FAM107B: variants seen among roughly 807,000 people sequenced by gnomAD.
The protein encoded by FAM107B is protein FAM107B.
A neutral mutation model predicts 31.5 loss-of-function variants in FAM107B; 21 were observed. The ratio of observed to expected loss-of-function variants is 0.67; its 90% CI spans 0.47 to 0.96. The LOEUF (loss-of-function observed/expected upper bound fraction) is 0.96, where lower values mean the gene tolerates loss of function less well. Ranked by LOEUF, FAM107B falls within the 40% of genes least tolerant of loss-of-function variation. The pLI is 0.00. For synonymous variants in FAM107B, 157 were observed against 141.5 expected, an observed-to-expected ratio of 1.11 and a Z score of -0.78; for missense variants, 452 against 377.1, an observed-to-expected ratio of 1.20 and a Z score of -1.64.
At chr10:14,528,886 G>A (rs1846625710) in intron 3 of FAM107B, among the ~76,000 whole-genome samples, 1 of 152,156 alleles carries the variant, frequency 6.6e-6, no homozygotes, top group African/African-American at 2.4e-5. Flanking sequence ...TGCAAATGTT[G>A]GTTTTACTCT....
chr10:14,698,409 A>G (rs746991172), intron 1 of FAM107B, among the ~76,000 whole-genome samples: 6 of 152,222 alleles, frequency 3.9e-5, no homozygotes, highest in African/African-American at 7.2e-5. Flanking sequence ...GATTCTCTGA[A>G]TATCTGTGTC....
At chr10:14,684,413 C>T (rs1414966796) in intron 1 of FAM107B, among the ~76,000 whole-genome samples, 3 of 152,144 alleles carry the variant, frequency 2.0e-5, no homozygotes, top group South Asian at 2.1e-4. Context: ...GATCATGCCA[C>T]AGCACTCCAG....
At chr10:14,646,457 C>T (rs1196168171) in intron 2 of FAM107B, among the ~76,000 whole-genome samples, 1 of 152,192 alleles carries the variant, frequency 6.6e-6, no homozygotes, top group African/African-American at 2.4e-5. Flanking sequence ...AGTTACTTCA[C>T]TTAGGATAAT....
chr10:14,572,113 C>CTGTTT (rs1851275319), intron 2 of FAM107B: 1 of 985,286 alleles, frequency 1.0e-6, no homozygotes, highest in Admixed American at 6.1e-5. Context: ...CAAAGAGAAA[C>CTGTTT]ACTCTAGCAA....
Position 14,763,360 on chromosome 10 carries a change from G to T in FAM107B, c.411+10893C>A, listed in dbSNP as rs533876806. Among the ~76,000 whole-genome samples the T allele has an allele frequency of 2.6e-5, 4 of 152,356 alleles. No homozygotes were observed. In the East Asian group the frequency reaches 7.7e-4, roughly 29 times the overall value. On this transcript the variant is annotated intron_variant, in intron 1 of 4. Transcript: ENST00000181796. ...CTTTTGTGCCTGCTTGCCAGCAGAT[G>T]TTTGTACTTGTGGCAGAATTCACGT...
At chr10:14,657,879 C>T (rs1241376484) in intron 2 of FAM107B, among the ~76,000 whole-genome samples, 1 of 151,940 alleles carries the variant, frequency 6.6e-6, no homozygotes, top group Non-Finnish European at 1.5e-5. Flanking sequence ...GGCGCGATCC[C>T]AGCTCACTGC....
intron 2 of FAM107B, among the ~76,000 whole-genome samples, chr10:14,594,314 G>A (rs891552196): frequency 3.9e-5 from 6 of 151,922 alleles, no homozygotes; most frequent in Non-Finnish European, 8.8e-5. Context: ...AAGACCAACC[G>A]GGCAACAGAA....
rs149938777 is a variant in FAM107B at position 14,550,634 on chromosome 10, G to A, written c.470-20119C>T. Among the ~76,000 whole-genome samples, 414 of 152,244 alleles carry A rather than the reference G, an allele frequency of 2.7e-3. 4 individuals are homozygous for A. The highest frequency in any genetic ancestry group is 0.022 in the Admixed American group (338 of 15,290). On this transcript the variant is annotated intron_variant, in intron 2 of 4. Coordinates refer to ENST00000181796, the MANE Select transcript of FAM107B (RefSeq NM_031453.4). The stretch of plus-strand genomic sequence containing the variant: ...GAAGTCCACATGAAATGGAGAAATC[G>A]GCTTCTTTCCCTGAGTTACCCAAGT...
intron 1 of FAM107B, among the ~76,000 whole-genome samples, chr10:14,745,182 GTTC>G (rs1193424596): frequency 2.0e-5 from 3 of 151,470 alleles, no homozygotes; most frequent in East Asian, 3.9e-4. Flanking sequence ...TGTCTATTTG[GTTC>G]TTCTCTCTTT....
At chr10:14,534,312 G>C (rs1356324189) in intron 2 of FAM107B, among the ~76,000 whole-genome samples, 4 of 152,148 alleles carry the variant, frequency 2.6e-5, no homozygotes, top group Non-Finnish European at 5.9e-5. Flanking sequence ...ACTCAGGGCA[G>C]TGGTGGTGGC....
chr10:14,537,947 T>C (rs533813822), intron 2 of FAM107B, among the ~76,000 whole-genome samples: 88 of 152,110 alleles, frequency 5.8e-4, no homozygotes, highest in African/African-American at 2.1e-3. Flanking sequence ...TAAGAATAAA[T>C]TAGTAACAAT....
chr10:14,756,927 G>A (rs372256139), intron 1 of FAM107B, among the ~76,000 whole-genome samples: 2 of 152,200 alleles, frequency 1.3e-5, no homozygotes, highest in Non-Finnish European at 1.5e-5. Flanking sequence ...ACCAAATATC[G>A]TGTGTTCTTA....
chr10:14,677,552 C>T (rs1389496331), intron 1 of FAM107B, among the ~76,000 whole-genome samples: 5 of 151,900 alleles, frequency 3.3e-5, no homozygotes, highest in Admixed American at 2.0e-4. Context: ...ACCCGGGAGG[C>T]GGAGCTTGCA....
chr10:14,590,524 T>C (rs1851980556), intron 2 of FAM107B, among the ~76,000 whole-genome samples: 2 of 152,238 alleles, frequency 1.3e-5, no homozygotes, highest in African/African-American at 4.8e-5. Context: ...GGATGTAGTA[T>C]GTCACCGTGC....
chr10:14,614,281 G>C (rs1852798013), intron 2 of FAM107B, among the ~76,000 whole-genome samples: 1 of 152,142 alleles, frequency 6.6e-6, no homozygotes, highest in African/African-American at 2.4e-5. Flanking sequence ...GATACTGAAA[G>C]CCAGGAGCCT....
chr10:14,766,215 TCTAA>T (rs1327458531), intron 1 of FAM107B, among the ~76,000 whole-genome samples: 5 of 152,212 alleles, frequency 3.3e-5, no homozygotes, highest in Non-Finnish European at 5.9e-5. Flanking sequence ...TGGATCTGCT[TCTAA>T]CTAAGGAACT....
At chr10:14,590,335 T>C (rs1162485527) in intron 2 of FAM107B, among the ~76,000 whole-genome samples, 3 of 152,222 alleles carry the variant, frequency 2.0e-5, no homozygotes, top group Non-Finnish European at 4.4e-5. Context: ...ACAGCACGAC[T>C]CCTCAGAATG....
chr10:14,525,159 C>G (rs926762086), intron 3 of FAM107B, among the ~76,000 whole-genome samples: 1 of 152,200 alleles, frequency 6.6e-6, no homozygotes, highest in Admixed American at 6.5e-5. Context: ...GAGATAGTGT[C>G]GACAGACAGA....
At chr10:14,535,749 T>A (rs754487535) in intron 2 of FAM107B, among the ~76,000 whole-genome samples, 3 of 152,178 alleles carry the variant, frequency 2.0e-5, no homozygotes, top group Non-Finnish European at 4.4e-5. Context: ...AGCTGTTGAG[T>A]AATAACAGAA....
Sources: gnomAD v4.1 joint callset for allele counts (sites outside exome capture counted in the v4.1 genomes callset) on GRCh38, gnomAD v4.1.1 for gene constraint, MANE v1.5 for transcripts, NCBI Gene and HGNC (gene_info 2026-07-23, HGNC 2026-07-21) for gene names.